WNT8B: variants seen among roughly 807,000 people sequenced by gnomAD.
WNT8B encodes protein Wnt-8b.
In WNT8B, 24 loss-of-function variants were observed where a neutral mutation model predicts 36.6. The observed-to-expected ratio is 0.66, with a 90% CI of 0.48 to 0.92. The LOEUF is 0.92. WNT8B is among the 40% of genes least tolerant of loss of function. The probability of loss-of-function intolerance (pLI) is 0.00; values close to 1 mark genes in which losing one functional copy is unlikely to be tolerated. For synonymous variants in WNT8B, 199 were observed against 189.8 expected (o/e 1.05, Z -0.40); for missense variants, 402 against 470.8 (o/e 0.85, Z 1.35).
chr10:100,483,507 C>G lies in WNT8B; in HGVS notation c.*691C>G, dbSNP rs1221771832. On this transcript the variant is annotated 3_prime_UTR_variant, in exon 6 of 6. Coordinates refer to ENST00000343737, the MANE Select transcript of WNT8B (RefSeq NM_003393.4). Reference sequence around the variant, plus strand: ...ATGGACTTTACTAGTGGGGCAATGACTTTCCTAGACAATAACCCGAGGGAC... The same window carrying G: ...ATGGACTTTACTAGTGGGGCAATGAGTTTCCTAGACAATAACCCGAGGGAC... 1.3e-5 allele frequency: 2 copies of G among 152,236 alleles called. No individual in the cohort carries two copies. The highest frequency in any genetic ancestry group is 4.8e-5 in the African/African-American group (2 of 41,446). 9.4% of individuals were successfully genotyped at this position (152,236 alleles called of 1,614,324 possible).
In WNT8B at chr10:100,482,354, G is replaced by T; in HGVS notation, c.594G>T (p.Leu198=). ...SCTTQTCWLQ[L]PEFREVGAHL... The stretch of plus-strand genomic sequence containing the variant: ...CCACGCAGACCTGTTGGCTGCAGCT[G>T]CCCGAGTTCCGCGAGGTGGGCGCGC... Residue 198 remains leucine, a synonymous_variant, in exon 6 of 6, where the codon CTG becomes CTT. Transcript: ENST00000343737. The surrounding 1 kb of genome is among the most constrained non-coding windows in gnomAD (Gnocchi z 6.6). 1 of 1,604,920 alleles carries T rather than the reference G, an allele frequency of 6.2e-7. No individual in the cohort carries two copies.
chr10:100,478,959 CAT>C, intron 1 of WNT8B, 91 bp from the exon 2 acceptor site: 1 of 1,067,384 alleles, frequency 9.4e-7, no homozygotes, highest in Non-Finnish European at 1.3e-6. Context: ...CTATTAATGA[CAT>C]GTGCTGAAGT....
chr10:100,482,765 C>A lies in WNT8B; in HGVS notation c.1005C>A (p.Arg335=), dbSNP rs1464474030. The change falls in exon 6 of 6, where the codon CGC becomes CGA. Residue 335 remains arginine (R), a synonymous_variant. Transcript: ENST00000343737. This position sits in a 1 kb window ranked among gnomAD's most constrained non-coding sequence, Gnocchi z 6.6. ...RRRVTKYFCS[R]AERPRGGAAH... ...GGGTCACCAAGTACTTCTGTAGCCG[C>A]GCAGAGCGGCCGCGGGGGGGCGCTG... The A allele has an allele frequency of 1.9e-6, 3 of 1,590,846 alleles. No individual in the cohort carries two copies. The highest frequency in any genetic ancestry group is 2.6e-6 in the Non-Finnish European group (3 of 1,167,620).
intron 4 of WNT8B, among the ~76,000 whole-genome samples, 163 bp from the exon 5 acceptor site, chr10:100,481,749 A>C (rs565316799): frequency 6.6e-6 from 1 of 152,202 alleles, no homozygotes; most frequent in Non-Finnish European, 1.5e-5. Context: ...TAAAAGTGGC[A>C]AAAACAAATC....
intron 3 of WNT8B, among the ~76,000 whole-genome samples, 177 bp from the exon 4 acceptor site, chr10:100,480,821 T>G (rs1428044483): frequency 6.6e-6 from 1 of 151,986 alleles, no homozygotes. Flanking sequence ...CTAGGCAACA[T>G]AGTGAGACCG....
chr10:100,481,856 C>A, intron 4 of WNT8B, 56 bp from the exon 5 acceptor site: 1 of 1,606,960 alleles, frequency 6.2e-7, no homozygotes, highest in South Asian at 1.1e-5. Flanking sequence ...AACAGCAGCC[C>A]AGGAGGCTCT....
At chr10:100,475,762 C>T (rs1456066275) in intron 1 of WNT8B, among the ~76,000 whole-genome samples, 2 of 152,136 alleles carry the variant, frequency 1.3e-5, no homozygotes, top group Non-Finnish European at 2.9e-5. Context: ...ATAAAAAGTG[C>T]CTTTCTGAGT....
At position 100,482,294 on chromosome 10, in the gene WNT8B, C is replaced by G. The variant is rs778632167; in HGVS notation, c.534C>G (p.Arg178=). Residue 178 remains arginine (R), a synonymous_variant, in exon 6 of 6, where the codon CGC becomes CGG. Transcript: ENST00000343737. This position sits in a 1 kb window ranked among gnomAD's most constrained non-coding sequence, Gnocchi z 6.6. ...GRKAVKGTMK[R]TCKCHGVSGS... is the part of the protein sequence containing the mutation. ...AGGCGGTGAAGGGCACCATGAAACG[C>G]ACGTGCAAGTGCCACGGCGTGTCTG... 1.3e-6 allele frequency: 2 copies of G among 1,591,744 alleles called. No individual in the cohort carries two copies. The highest frequency in any genetic ancestry group is 2.2e-5 in the South Asian group (2 of 90,276).
intron 1 of WNT8B, among the ~76,000 whole-genome samples, chr10:100,466,296 G>A (rs892873814): frequency 6.6e-6 from 1 of 151,910 alleles, no homozygotes; most frequent in Non-Finnish European, 1.5e-5. Flanking sequence ...TAAAAAAAAA[G>A]CTGGGATTTG....
intron 2 of WNT8B, 41 bp from the exon 3 acceptor site, chr10:100,479,833 T>A (rs1851086679): frequency 6.2e-7 from 1 of 1,608,394 alleles, no homozygotes; most frequent in African/African-American, 1.3e-5. Context: ...GGTAAATGCC[T>A]CCTAAGTTCA....
chr10:100,463,364 G>A (rs1850876926), intron 1 of WNT8B, 128 bp downstream of exon 1: 1 of 807,276 alleles, frequency 1.2e-6, no homozygotes, highest in Non-Finnish European at 1.9e-6. Flanking sequence ...CTGTTCTATG[G>A]GGTAGGGCTC....
At chr10:100,469,129 CA>C (rs1850944196) in intron 1 of WNT8B, among the ~76,000 whole-genome samples, 1 of 152,108 alleles carries the variant, frequency 6.6e-6, no homozygotes, top group Non-Finnish European at 1.5e-5. Context: ...GGAATATGAC[CA>C]AAAGCTACAC....
At chr10:100,479,220 C>A in intron 2 of WNT8B, 135 bp downstream of exon 2, 1 of 847,258 alleles carries the variant, frequency 1.2e-6, no homozygotes, top group Non-Finnish European at 1.7e-6. Context: ...AGATTGAGAC[C>A]CAGAGGGTGT....
At position 100,479,932 on chromosome 10, in the gene WNT8B, G is replaced by T. The variant is rs1204619883; in HGVS notation, c.161G>T (p.Cys54Phe). 1 of 1,614,014 alleles carries T rather than the reference G, an allele frequency of 6.2e-7. No individual in the cohort carries two copies. Among genetic ancestry groups the T allele is most frequent in the Non-Finnish European group, 8.5e-7 (1 of 1,179,930 alleles). ...AAGAQSGIEE[C>F]KYQFAWDRWN... ...GGTGCCCAGAGTGGTATTGAAGAAT[G>T]CAAGTATCAGTTTGCCTGGGACCGC... The change falls in exon 3 of 6, where the codon TGC becomes TTC. Residue 54 changes from cysteine to phenylalanine, a missense_variant. By Grantham distance (205) the Cys-to-Phe change is radical. Coordinates refer to ENST00000343737, the MANE Select transcript of WNT8B (RefSeq NM_003393.4).
At chr10:100,472,626 T>G (rs561341941) in intron 1 of WNT8B, among the ~76,000 whole-genome samples, 186 of 152,298 alleles carry the variant, frequency 1.2e-3, no homozygotes, top group African/African-American at 4.1e-3. Flanking sequence ...TTTATATCAG[T>G]GTATACACAC....
Position 100,477,857 on chromosome 10 carries a change from GCCTCTGCCT to G in WNT8B, c.69-1192_69-1184del, listed in dbSNP as rs1851058477. Reference sequence around the variant, plus strand: ...AGTGGTGCAATCTCAGCTCATTGCAGCCTCTGCCTCCCAGGTTCAAGCGATTCTTGTGCC... The same window carrying G: ...AGTGGTGCAATCTCAGCTCATTGCAGCCCAGGTTCAAGCGATTCTTGTGCC... On this transcript the variant is annotated intron_variant, in intron 1 of 5. Transcript: ENST00000343737. Among the ~76,000 whole-genome samples the G allele has an allele frequency of 2.0e-5, 3 of 151,090 alleles. 1 individual carries two copies. Among genetic ancestry groups the G allele is most frequent in the Admixed American group, 2.0e-4 (3 of 15,174 alleles).
chr10:100,470,568 G>T (rs181467428), intron 1 of WNT8B, among the ~76,000 whole-genome samples: 305 of 152,006 alleles, frequency 2.0e-3, no homozygotes, highest in Non-Finnish European at 1.4e-3. Flanking sequence ...TAAGAGATGG[G>T]ATTAAAGGTT....
intron 1 of WNT8B, among the ~76,000 whole-genome samples, chr10:100,466,229 G>T (rs1194654664): frequency 6.6e-6 from 1 of 151,840 alleles, no homozygotes; most frequent in Non-Finnish European, 1.5e-5. Context: ...AAAAATACCA[G>T]TATAAAAGAG....
chr10:100,475,208 C>T (rs757316647), intron 1 of WNT8B, among the ~76,000 whole-genome samples: 4 of 152,048 alleles, frequency 2.6e-5, no homozygotes, highest in Non-Finnish European at 5.9e-5. Context: ...CCACTGCACT[C>T]CAATCTGGGC....
Sources: allele counts gnomAD v4.1 joint callset (sites outside exome capture counted in the v4.1 genomes callset), GRCh38; gene constraint gnomAD v4.1.1; non-coding constraint Gnocchi (gnomAD v3.1); transcripts MANE v1.5; gene names NCBI Gene and HGNC (gene_info 2026-07-23, HGNC 2026-07-21).